XKR4: variants seen among roughly 807,000 people sequenced by gnomAD.
The protein encoded by XKR4 is XK-related protein 4.
A neutral mutation model predicts 53.9 loss-of-function variants in XKR4; 12 were observed. That is an observed-to-expected ratio of 0.22 (90% CI 0.14 to 0.36). The LOEUF (loss-of-function observed/expected upper bound fraction) is 0.36. Among genes scored for constraint, XKR4 ranks in the 10% least tolerant of loss-of-function variants. The pLI is 1.00. For missense variants in XKR4, 799 were observed against 859.5 expected (o/e 0.93, Z 0.88); for synonymous variants, 354 against 362.4 (o/e 0.98, Z 0.26).
At chr8:55,360,408 C>G (rs1431103827) in intron 2 of XKR4, among the ~76,000 whole-genome samples, 1 of 152,158 alleles carries the variant, frequency 6.6e-6, no homozygotes, top group Non-Finnish European at 1.5e-5. Flanking sequence ...GATGTGAGTT[C>G]TAAGAACAGA....
intron 2 of XKR4, among the ~76,000 whole-genome samples, chr8:55,380,566 T>C (rs1197487121): frequency 1.3e-5 from 2 of 152,278 alleles, no homozygotes; most frequent in African/African-American, 4.8e-5. Flanking sequence ...ACTGTATTTT[T>C]CCATTTCATT....
chr8:55,164,532 G>A, intron 1 of XKR4: 1 of 438,286 alleles, frequency 2.3e-6, no homozygotes, highest in Admixed American at 2.5e-5. Flanking sequence ...AAATGTTTAG[G>A]AACTTCTTTT....
intron 2 of XKR4, among the ~76,000 whole-genome samples, chr8:55,461,579 C>G (rs1394086161): frequency 6.6e-6 from 1 of 152,184 alleles, no homozygotes; most frequent in East Asian, 1.9e-4. Flanking sequence ...TCTCCTTCTC[C>G]AAAGGAACAC....
In XKR4 at chr8:55,103,238, C is replaced by G; in HGVS notation, c.750C>G (p.Phe250Leu). ...AGCACAGGTCTGCGTCCTGCTCCTT[C>G]TGCATCTGGCTCCTGCAGTCACTCA... Reference protein sequence around the residue: ...SGKHRSASCSFCIWLLQSLIH... With the variant: ...SGKHRSASCSLCIWLLQSLIH... Residue 250 changes from phenylalanine (F) to leucine (L), a missense_variant, in exon 1 of 3, where the codon TTC (phenylalanine) becomes TTG (leucine). Physicochemically the swap from Phe to Leu is conservative, Grantham distance 22 (BLOSUM62 0). Coordinates refer to ENST00000327381, the MANE Select transcript of XKR4 (RefSeq NM_052898.2). 6.2e-7 allele frequency: 1 copy of G among 1,613,850 alleles called. No homozygotes were observed. The highest frequency in any genetic ancestry group is 8.5e-7 in the Non-Finnish European group (1 of 1,179,822).
At chr8:55,273,947 G>A (rs1818729023) in intron 1 of XKR4, among the ~76,000 whole-genome samples, 3 of 152,174 alleles carry the variant, frequency 2.0e-5, no homozygotes, top group Admixed American at 2.0e-4. Flanking sequence ...GGGGCTAAAA[G>A]GAGAGGGTAG....
intron 1 of XKR4, among the ~76,000 whole-genome samples, chr8:55,264,834 C>CTA: frequency 6.6e-6 from 1 of 152,078 alleles, no homozygotes; most frequent in Non-Finnish European, 1.5e-5. Context: ...ATGTATATTC[C>CTA]TATATATAAC....
intron 2 of XKR4, among the ~76,000 whole-genome samples, chr8:55,405,238 A>G (rs775550500): frequency 8.5e-5 from 13 of 152,284 alleles, no homozygotes; most frequent in Non-Finnish European, 1.6e-4. Context: ...CATGTAGCGA[A>G]GAATCAGGCC....
chr8:55,369,300 G>C (rs1485278119), intron 2 of XKR4, among the ~76,000 whole-genome samples: 1 of 148,438 alleles, frequency 6.7e-6, no homozygotes, highest in Non-Finnish European at 1.5e-5. Flanking sequence ...AGTGAGCTGA[G>C]AGCATGCCAC....
chr8:55,215,387 C>A (rs1026541943), intron 1 of XKR4, among the ~76,000 whole-genome samples: 4 of 152,178 alleles, frequency 2.6e-5, no homozygotes, highest in African/African-American at 7.2e-5. Flanking sequence ...AGACAGCACA[C>A]CTTACAGACA....
chr8:55,431,322 C>T (rs1755898035), intron 2 of XKR4, among the ~76,000 whole-genome samples: 1 of 151,992 alleles, frequency 6.6e-6, no homozygotes, highest in Non-Finnish European at 1.5e-5. Context: ...TATTTAATTC[C>T]CAAAACATCA....
At chr8:55,244,420 G>A (rs1048134471) in intron 1 of XKR4, among the ~76,000 whole-genome samples, 1 of 152,192 alleles carries the variant, frequency 6.6e-6, no homozygotes, top group African/African-American at 2.4e-5. Context: ...TGGCTGTGTA[G>A]CATTCCATGG....
intron 2 of XKR4, among the ~76,000 whole-genome samples, chr8:55,472,423 A>G (rs1310979727): frequency 2.0e-5 from 3 of 152,124 alleles, no homozygotes; most frequent in Non-Finnish European, 2.9e-5. Context: ...TAAGTGATGA[A>G]CATGCATTGT....
At chr8:55,111,927 G>T (rs1424616333) in intron 1 of XKR4, among the ~76,000 whole-genome samples, 1 of 152,152 alleles carries the variant, frequency 6.6e-6, no homozygotes, top group East Asian at 1.9e-4. Context: ...TTAAAACAAA[G>T]ATATGACATC....
chr8:55,402,789 C>G (rs1156551681), intron 2 of XKR4, among the ~76,000 whole-genome samples: 2 of 152,134 alleles, frequency 1.3e-5, no homozygotes, highest in African/African-American at 4.8e-5. Flanking sequence ...GAGAAGCAGA[C>G]AAGGGCCACG....
intron 2 of XKR4, among the ~76,000 whole-genome samples, chr8:55,509,448 G>C (rs1767020394): frequency 6.6e-6 from 1 of 152,012 alleles, no homozygotes; most frequent in South Asian, 2.1e-4. Flanking sequence ...AATGATTTAG[G>C]TCACTTCAAA....
chr8:55,393,402 AGAAGGAAGGAAGGAAGGAAGGAAG>A (rs36208673), intron 2 of XKR4, among the ~76,000 whole-genome samples: 3,743 of 144,936 alleles, frequency 0.026, 121 homozygotes, highest in African/African-American at 0.074. Flanking sequence ...ATACTTCTTA[AGAAGGAAGGAAGGAAGGAAGGAAG>A]GAAGGAAGGA....
At chr8:55,167,282 C>G (rs574380806) in intron 1 of XKR4, among the ~76,000 whole-genome samples, 1 of 152,226 alleles carries the variant, frequency 6.6e-6, no homozygotes, top group Admixed American at 6.5e-5. Context: ...GTTTGTCACA[C>G]TTCTTTCATG....
At chr8:55,408,457 G>A (rs1287312178) in intron 2 of XKR4, among the ~76,000 whole-genome samples, 2 of 152,288 alleles carry the variant, frequency 1.3e-5, no homozygotes, top group Admixed American at 1.3e-4. Flanking sequence ...TCAAGATGTG[G>A]CCCAGGGAAC....
chr8:55,364,922 G>C (rs753156495), intron 2 of XKR4, among the ~76,000 whole-genome samples: 1 of 152,112 alleles, frequency 6.6e-6, no homozygotes, highest in African/African-American at 2.4e-5. Flanking sequence ...CACCACACCC[G>C]ACCAATTTGT....
Sources: gnomAD v4.1 joint callset for allele counts (sites outside exome capture counted in the v4.1 genomes callset) on GRCh38, gnomAD v4.1.1 for gene constraint, MANE v1.5 for transcripts, NCBI Gene and HGNC (gene_info 2026-07-23, HGNC 2026-07-21) for gene names.